Variants in ORMDL1 observed in about 807,000 individuals in gnomAD.
ORMDL1 encodes the protein ORMDL sphingolipid biosynthesis regulator 1.
Under a neutral mutation model 13.0 loss-of-function variants are expected in ORMDL1, and 10 were observed. The observed-to-expected ratio is 0.77, with a 90% CI of 0.47 to 1.30. The LOEUF (loss-of-function observed/expected upper bound fraction) is 1.30. ORMDL1 is among the 50% of genes most tolerant of loss of function. The pLI, the probability that ORMDL1 is intolerant of heterozygous loss-of-function variation, is 0.00. For synonymous variants in ORMDL1, 61 were observed against 63.9 expected (o/e 0.95, Z 0.22); for missense variants, 171 against 186.7 (o/e 0.92, Z 0.49).
At chr2:189,775,431 T>A in intron 4 of ORMDL1, 134 bp downstream of exon 4, 1 of 965,262 alleles carries the variant, frequency 1.0e-6, no homozygotes, top group Non-Finnish European at 1.5e-6. Flanking sequence ...TGTCTATATT[T>A]TATGTTCTAT....
chr2:189,779,589 A>G (rs2047777769), intron 3 of ORMDL1, among the ~76,000 whole-genome samples: 1 of 152,248 alleles, frequency 6.6e-6, no homozygotes, highest in Non-Finnish European at 1.5e-5. Flanking sequence ...AACTGGTCTT[A>G]TATGTCACAC....
At chr2:189,766,286 T>C (rs1258591350), downstream of ORMDL1, among the ~76,000 whole-genome samples, 4 of 152,368 alleles carry the variant, frequency 2.6e-5, no homozygotes, top group East Asian at 3.9e-4. Context: ...CTGAACTTTA[T>C]TGTGGTAGAA....
intron 3 of ORMDL1, chr2:189,778,404 G>T (rs1003345789): frequency 1.5e-5 from 7 of 453,966 alleles, no homozygotes; most frequent in African/African-American, 1.4e-4. Flanking sequence ...CAAAAAAAAA[G>T]GACTAACTTA....
chr2:189,775,744 G>C (rs757363231), intron 3 of ORMDL1, 28 bp from the exon 4 acceptor site: 1 of 1,605,754 alleles, frequency 6.2e-7, no homozygotes. Context: ...GGTTATAAAT[G>C]ATCAATATTA....
At chr2:189,769,897 A>ATT (rs1489081641), downstream of ORMDL1, among the ~76,000 whole-genome samples, 3 of 152,172 alleles carry the variant, frequency 2.0e-5, no homozygotes, top group Non-Finnish European at 4.4e-5. Flanking sequence ...AATTGCCATT[A>ATT]TGTCTCCTGA....
At chr2:189,780,689 T>C (rs763854875) in intron 3 of ORMDL1, among the ~76,000 whole-genome samples, 11 of 152,138 alleles carry the variant, frequency 7.2e-5, no homozygotes, top group Non-Finnish European at 1.5e-4. Context: ...CAGAAATATA[T>C]GCCGGTGAAA....
the ORMDL1 span, chr2:189,764,829 A>AT: frequency 6.6e-6 from 1 of 151,884 alleles, no homozygotes; most frequent in Non-Finnish European, 1.5e-5. Flanking sequence ...ATTAAAACAT[A>AT]TAAGAATCTT....
At chr2:189,766,319 T>G, downstream of ORMDL1, among the ~76,000 whole-genome samples, 1 of 152,236 alleles carries the variant, frequency 6.6e-6, no homozygotes, top group East Asian at 1.9e-4. Flanking sequence ...TTTACCATTT[T>G]GACCATTTTT....
intron 4 of ORMDL1, 67 bp downstream of exon 4, chr2:189,775,498 C>T: frequency 6.9e-7 from 1 of 1,445,420 alleles, no homozygotes; most frequent in Non-Finnish European, 9.3e-7. Flanking sequence ...AATTCCAATT[C>T]AATCTGATGA....
intron 3 of ORMDL1, among the ~76,000 whole-genome samples, chr2:189,781,532 C>T (rs1375065641): frequency 6.6e-6 from 1 of 151,870 alleles, no homozygotes; most frequent in African/African-American, 2.4e-5. Flanking sequence ...AGCTAAGGCA[C>T]CATAAGATCC....
Position 189,782,435 on chromosome 2 carries a change from A to G in ORMDL1, c.161T>C (p.Ile54Thr). ...SVPVAWTLTN[I>T]IHNLGMYVFL... is the part of the protein sequence containing the mutation. ...TGAAATTCTTACCAGATTATGTATA[A>G]TATTTGTTAAAGTCCAAGCAACAGG... The change falls in exon 3 of 5, where the codon ATT becomes ACT. Residue 54 changes from isoleucine (I) to threonine (T), a missense_variant. Ile to Thr is a moderately conservative substitution (Grantham distance 89). Transcript: ENST00000392349. 6.2e-7 allele frequency: 1 copy of G among 1,613,392 alleles called. No homozygotes were observed. The highest frequency in any genetic ancestry group is 8.5e-7 in the Non-Finnish European group (1 of 1,179,452).
intron 3 of ORMDL1, among the ~76,000 whole-genome samples, chr2:189,781,129 C>T (rs2047816725): frequency 6.6e-6 from 1 of 152,030 alleles, no homozygotes; most frequent in Non-Finnish European, 1.5e-5. Context: ...CACCATGTTG[C>T]CCAGGCTGGT....
Position 189,775,552 on chromosome 2 carries a change from T to A in ORMDL1, c.326+13A>T. On this transcript the variant is annotated intron_variant, in intron 4 of 4. Transcript: ENST00000392349. ...TCCAATCCTCCTCATACCTAAAAAT[T>A]TCTGCCACTTACAGAATTATTGGAG... 1 of 1,589,856 alleles carries A rather than the reference T, an allele frequency of 6.3e-7. No homozygotes were observed. Among genetic ancestry groups the A allele is most frequent in the South Asian group, 1.2e-5 (1 of 86,788 alleles).
chr2:189,768,250 G>A (rs2047515044), downstream of ORMDL1, among the ~76,000 whole-genome samples: 3 of 152,134 alleles, frequency 2.0e-5, no homozygotes, highest in Non-Finnish European at 4.4e-5. Flanking sequence ...GGTCTTTTCA[G>A]TACTGAACTT....
At chr2:189,775,540 A>G (rs753541569) in intron 4 of ORMDL1, 25 bp downstream of exon 4, 17 of 1,578,670 alleles carry the variant, frequency 1.1e-5, no homozygotes, top group Non-Finnish European at 1.4e-5. Context: ...AATCCTCCTC[A>G]TACCTAAAAA....
intron 1 of ORMDL1, 70 bp from the exon 2 acceptor site, chr2:189,783,193 A>C (rs2352709): frequency 6.6e-6 from 1 of 152,110 alleles, no homozygotes; most frequent in Admixed American, 6.5e-5. Flanking sequence ...TTTGTGATTA[A>C]ACTAGGTGAA....
chr2:189,777,308 T>C (rs1409701099), intron 3 of ORMDL1, among the ~76,000 whole-genome samples: 2 of 152,206 alleles, frequency 1.3e-5, no homozygotes, highest in African/African-American at 4.8e-5. Flanking sequence ...GTATTTATTC[T>C]GTAAGCTCTA....
Position 189,771,558 on chromosome 2 carries a change from C to T in ORMDL1, c.*209G>A, listed in dbSNP as rs1333381883. The T allele has an allele frequency of 2.5e-6, 1 of 398,834 alleles. No individual in the cohort carries two copies. Among genetic ancestry groups the T allele is most frequent in the African/African-American group, 2.1e-5 (1 of 47,880 alleles). The allele number at this position is 398,834 out of a possible 1,614,324, so 24.7% of individuals were successfully genotyped here. On this transcript the variant is annotated 3_prime_UTR_variant, in exon 5 of 5. Coordinates refer to ENST00000392349, the MANE Select transcript of ORMDL1 (RefSeq NM_016467.5). Reference sequence around the variant, plus strand: ...GCCTGCCCAGCCTGCTTATAAAGCCCCTCTTCAGAAATGTACCAGGTGTAT... The same window carrying T: ...GCCTGCCCAGCCTGCTTATAAAGCCTCTCTTCAGAAATGTACCAGGTGTAT...
chr2:189,768,249 A>C (rs936396754), downstream of ORMDL1, among the ~76,000 whole-genome samples: 1 of 152,206 alleles, frequency 6.6e-6, no homozygotes, highest in African/African-American at 2.4e-5. Context: ...AGGTCTTTTC[A>C]GTACTGAACT....
Sources: gnomAD v4.1 joint callset for allele counts (sites outside exome capture counted in the v4.1 genomes callset) on GRCh38, gnomAD v4.1.1 for gene constraint, MANE v1.5 for transcripts, NCBI Gene and HGNC (gene_info 2026-07-23, HGNC 2026-07-21) for gene names.